The following CHST11 variants were observed in gnomAD, a reference collection of about 807,000 sequenced individuals.
The protein encoded by CHST11 is carbohydrate sulfotransferase 11, also known as C4S-1.
Under a neutral mutation model 30.4 loss-of-function variants are expected in CHST11, and 9 were observed. The ratio of observed to expected loss-of-function variants is 0.30; its 90% CI spans 0.18 to 0.52. The LOEUF (loss-of-function observed/expected upper bound fraction) is 0.52. CHST11 is among the 20% of genes least tolerant of loss of function. CHST11 has a pLI of 0.97. For missense variants in CHST11, 348 were observed against 460.6 expected, an observed-to-expected ratio of 0.76 and a Z score of 2.24; for synonymous variants, 152 against 187.8, an observed-to-expected ratio of 0.81 and a Z score of 1.56.
intron 1 of CHST11, among the ~76,000 whole-genome samples, chr12:104,574,740 G>A (rs2038664814): frequency 6.6e-6 from 1 of 152,006 alleles, no homozygotes; most frequent in Admixed American, 6.6e-5. Flanking sequence ...GATAGCATTA[G>A]GAGATATACC....
chr12:104,701,434 A>T (rs167490), intron 2 of CHST11, among the ~76,000 whole-genome samples: 1 of 152,072 alleles, frequency 6.6e-6, no homozygotes, highest in Non-Finnish European at 1.5e-5. Flanking sequence ...CAGACTGACC[A>T]TAGGTGCATG....
At chr12:104,712,565 C>G (rs546673151) in intron 2 of CHST11, among the ~76,000 whole-genome samples, 2 of 152,098 alleles carry the variant, frequency 1.3e-5, no homozygotes, top group East Asian at 1.9e-4. Context: ...TCTCCCAGCC[C>G]CTGAACTCCA....
intron 2 of CHST11, among the ~76,000 whole-genome samples, chr12:104,683,082 T>C (rs78690786): frequency 0.025 from 3,730 of 152,098 alleles, 119 homozygotes; most frequent in Admixed American, 0.058. Context: ...AGGAAGAAAG[T>C]GTTGAAATGG....
chr12:104,607,424 G>A lies in CHST11; in HGVS notation c.204+5433G>A, dbSNP rs1566005535. Among the ~76,000 whole-genome samples the A allele has an allele frequency of 2.6e-5, 4 of 152,182 alleles. No homozygotes were observed. The South Asian group carries it at 6.2e-4, about 24-fold the overall frequency. ...TGTAGAATAAACAGAGGAAAAGGGC[G>A]TGGGGAGGAGAGGCACCTAGGTCAT... is the stretch of plus-strand genomic sequence containing the variant. On this transcript the variant is annotated intron_variant, in intron 2 of 2. Coordinates refer to ENST00000303694, the MANE Select transcript of CHST11 (RefSeq NM_018413.6).
chr12:104,480,973 G>A (rs2037616204), intron 1 of CHST11, among the ~76,000 whole-genome samples: 1 of 152,170 alleles, frequency 6.6e-6, no homozygotes, highest in South Asian at 2.1e-4. Context: ...GACCCAGTAG[G>A]GATTCTTTCC....
At chr12:104,579,603 A>G (rs1209625401) in intron 1 of CHST11, among the ~76,000 whole-genome samples, 2 of 152,230 alleles carry the variant, frequency 1.3e-5, no homozygotes, top group African/African-American at 2.4e-5. Context: ...TGTAATTTCA[A>G]GAGAATGATA....
intron 1 of CHST11, among the ~76,000 whole-genome samples, chr12:104,579,522 A>G (rs2038718476): frequency 6.6e-6 from 1 of 152,264 alleles, no homozygotes; most frequent in Non-Finnish European, 1.5e-5. Context: ...CGGAACAGAC[A>G]ATGAAACAGG....
chr12:104,491,893 C>G (rs1240186066), intron 1 of CHST11, among the ~76,000 whole-genome samples: 1 of 152,128 alleles, frequency 6.6e-6, no homozygotes, highest in African/African-American at 2.4e-5. Context: ...TTGTGACCTG[C>G]CCCCTACCAC....
intron 2 of CHST11, among the ~76,000 whole-genome samples, chr12:104,630,336 C>T (rs570683433): frequency 2.8e-4 from 42 of 152,288 alleles, no homozygotes; most frequent in African/African-American, 9.9e-4. Context: ...GAGTAATACC[C>T]ACTTCATAGG....
intron 2 of CHST11, among the ~76,000 whole-genome samples, chr12:104,663,444 A>G (rs2039615013): frequency 6.6e-6 from 1 of 152,210 alleles, no homozygotes; most frequent in African/African-American, 2.4e-5. Flanking sequence ...CCACCCAGAG[A>G]TAATCATTGC....
At chr12:104,721,077 A>G (rs537024014) in intron 2 of CHST11, among the ~76,000 whole-genome samples, 129 of 152,334 alleles carry the variant, frequency 8.5e-4, no homozygotes, top group African/African-American at 3.0e-3. Context: ...GTTTGCTTAC[A>G]AAAGACTGAA....
chr12:104,470,368 A>G (rs1320480299), intron 1 of CHST11, among the ~76,000 whole-genome samples: 1 of 152,164 alleles, frequency 6.6e-6, no homozygotes, highest in Non-Finnish European at 1.5e-5. Flanking sequence ...AATGTGTGCA[A>G]GCAGGGGAAA....
At position 104,688,793 on chromosome 12, in the gene CHST11, T is replaced by C. The variant is rs138883947; in HGVS notation, c.205-68156T>C. ...GTATAGAGCCCTTAAGATGATGTTG[T>C]AGCATAAAGTTTATGGACATGGGAA... On this transcript the variant is annotated intron_variant, in intron 2 of 2. Coordinates refer to ENST00000303694, the MANE Select transcript of CHST11 (RefSeq NM_018413.6). 6.1e-3 allele frequency among the ~76,000 whole-genome samples: 929 copies of C among 152,310 alleles called. 10 individuals are homozygous for C. Among genetic ancestry groups the C allele is most frequent in the Non-Finnish European group, 7.5e-3 (508 of 68,022 alleles).
intron 1 of CHST11, among the ~76,000 whole-genome samples, chr12:104,545,565 A>G (rs1262329247): frequency 1.3e-5 from 2 of 152,224 alleles, no homozygotes; most frequent in Non-Finnish European, 2.9e-5. Flanking sequence ...GAGCTACTTA[A>G]TCTTACTATC....
intron 2 of CHST11, among the ~76,000 whole-genome samples, chr12:104,736,122 C>A (rs565108587): frequency 6.6e-6 from 1 of 152,308 alleles, no homozygotes; most frequent in South Asian, 2.1e-4. Context: ...TCCTGTGGGA[C>A]ATTCCATGGG....
At chr12:104,531,479 A>AAGAG (rs199768769) in intron 1 of CHST11, among the ~76,000 whole-genome samples, 1 of 145,362 alleles carries the variant, frequency 6.9e-6, no homozygotes, top group South Asian at 2.1e-4. Flanking sequence ...AAAAAAAAAA[A>AAGAG]AGAGAGAGAG....
intron 1 of CHST11, among the ~76,000 whole-genome samples, chr12:104,519,975 C>T (rs145372630): frequency 7.9e-4 from 121 of 152,230 alleles, no homozygotes; most frequent in African/African-American, 2.5e-3. Flanking sequence ...ATGGAGAGTG[C>T]GTGTGTTTAA....
At chr12:104,692,430 G>A (rs1592841814) in intron 2 of CHST11, among the ~76,000 whole-genome samples, 1 of 152,342 alleles carries the variant, frequency 6.6e-6, no homozygotes, top group East Asian at 1.9e-4. Flanking sequence ...TGTTTTCAGT[G>A]TTTTGCATAT....
intron 1 of CHST11, among the ~76,000 whole-genome samples, chr12:104,580,232 G>C (rs1051847437): frequency 2.0e-5 from 3 of 152,318 alleles, no homozygotes; most frequent in African/African-American, 7.2e-5. Flanking sequence ...TTTCAGGCTT[G>C]AGCTGGAGTA....
Sources: allele counts gnomAD v4.1 joint callset (sites outside exome capture counted in the v4.1 genomes callset), GRCh38; gene constraint gnomAD v4.1.1; transcripts MANE v1.5; gene names NCBI Gene and HGNC (gene_info 2026-07-23, HGNC 2026-07-21).